The following ERBB4 variants were observed in gnomAD, a reference collection of about 807,000 sequenced individuals.
ERBB4 encodes erb-b2 receptor tyrosine kinase 4.
In ERBB4, 42 loss-of-function variants were observed where a neutral mutation model predicts 158.0. The ratio of observed to expected loss-of-function variants is 0.27; its 90% confidence interval spans 0.21 to 0.34. ERBB4 has a LOEUF of 0.34. Among genes scored for constraint, ERBB4 ranks in the 10% least tolerant of loss-of-function variants. The pLI is 1.00. For synonymous variants in ERBB4, 583 were observed against 558.7 expected (o/e 1.04, Z -0.61); for missense variants, 1,333 against 1,624.1 (o/e 0.82, Z 3.08).
At chr2:211,651,552 T>C (rs1467124763) in intron 16 of ERBB4, among the ~76,000 whole-genome samples, 2 of 152,168 alleles carry the variant, frequency 1.3e-5, no homozygotes, top group Non-Finnish European at 2.9e-5. Flanking sequence ...TTTCTTGACC[T>C]GAAGATAGAA....
At chr2:211,394,512 C>T (rs944708907) in intron 25 of ERBB4, among the ~76,000 whole-genome samples, 1 of 152,160 alleles carries the variant, frequency 6.6e-6, no homozygotes, top group African/African-American at 2.4e-5. Flanking sequence ...AAGAGGAAAA[C>T]TTCTAGGAGT....
At chr2:211,704,266 TATG>T in intron 10 of ERBB4, 72 bp from the exon 11 acceptor site, 1 of 985,182 alleles carries the variant, frequency 1.0e-6, no homozygotes, top group South Asian at 1.3e-5. Context: ...TTTCTTGAAA[TATG>T]GTGAAAATGT....
intron 1 of ERBB4, among the ~76,000 whole-genome samples, chr2:212,277,215 C>A (rs1445661064): frequency 6.6e-6 from 1 of 151,736 alleles, no homozygotes; most frequent in African/African-American, 2.4e-5. Context: ...TCTAGGGAAG[C>A]ATTTCCAGCA....
chr2:211,649,898 A>G (rs2070920951), intron 16 of ERBB4, among the ~76,000 whole-genome samples: 1 of 151,916 alleles, frequency 6.6e-6, no homozygotes, highest in Admixed American at 6.6e-5. Context: ...ACTGTAATGG[A>G]ATTTTGTTGA....
chr2:212,457,056 G>C (rs1688327439), intron 1 of ERBB4, among the ~76,000 whole-genome samples: 2 of 151,794 alleles, frequency 1.3e-5, no homozygotes, highest in South Asian at 4.1e-4. Flanking sequence ...CTTTCATTAT[G>C]CCAACTTGAA....
rs555639907 is a variant in ERBB4 at position 211,825,596 on chromosome 2, A to ACTATGTG, written c.422-37444_422-37438dup. 8.8e-4 allele frequency among the ~76,000 whole-genome samples: 134 copies of ACTATGTG among 151,616 alleles called. 1 individual carries two copies. The highest frequency in any genetic ancestry group is 3.2e-3 in the African/African-American group (131 of 41,462). On this transcript the variant is annotated intron_variant, in intron 3 of 27. Transcript: ENST00000342788. ...ATTCAGTCACTTTTATTAAATATCC[A>ACTATGTG]CTATGTGCTATGTGCTTTGAAGGAC...
At chr2:212,008,410 T>A (rs930412559) in intron 2 of ERBB4, among the ~76,000 whole-genome samples, 6 of 152,094 alleles carry the variant, frequency 3.9e-5, no homozygotes, top group African/African-American at 1.4e-4. Flanking sequence ...ATATTATCAT[T>A]ACGTTGGACA....
chr2:212,204,659 T>C (rs989587341), intron 1 of ERBB4, among the ~76,000 whole-genome samples: 1 of 150,334 alleles, frequency 6.7e-6, no homozygotes, highest in Non-Finnish European at 1.5e-5. Context: ...ATTGTGCCAT[T>C]GCACTCCAGC....
At chr2:212,314,984 C>T (rs1248233048) in intron 1 of ERBB4, among the ~76,000 whole-genome samples, 1 of 151,180 alleles carries the variant, frequency 6.6e-6, no homozygotes, top group Non-Finnish European at 1.5e-5. Flanking sequence ...TTTTAAAAGG[C>T]TAGTCACAGC....
intron 3 of ERBB4, among the ~76,000 whole-genome samples, chr2:211,876,693 A>G: frequency 6.6e-6 from 1 of 152,252 alleles, no homozygotes; most frequent in East Asian, 1.9e-4. Context: ...ACAGGTATTG[A>G]CTGGTAAGAG....
intron 2 of ERBB4, among the ~76,000 whole-genome samples, chr2:211,960,383 T>C (rs1214699197): frequency 4.6e-5 from 7 of 152,242 alleles, no homozygotes. Flanking sequence ...TACGAGTTCA[T>C]AATAATATTC....
chr2:212,347,298 G>A (rs1262365252), intron 1 of ERBB4, among the ~76,000 whole-genome samples: 1 of 151,648 alleles, frequency 6.6e-6, no homozygotes, highest in African/African-American at 2.4e-5. Flanking sequence ...TTTCAGAAGT[G>A]TCCATGTTTT....
At position 211,772,938 on chromosome 2, in the gene ERBB4, T is replaced by TACACACAC. The variant is rs1379581822; in HGVS notation, c.556+15086_556+15087insGTGTGTGT. The stretch of plus-strand genomic sequence containing the variant: ...ACACACACACACATATATATATATA[T>TACACACAC]ATATATATATATATATATTTTTTTT... On this transcript the variant is annotated intron_variant, in intron 4 of 27. Transcript: ENST00000342788. Among the ~76,000 whole-genome samples the TACACACAC allele has an allele frequency of 1.3e-3, 112 of 87,660 alleles. 1 individual carries two copies. The highest frequency in any genetic ancestry group is 0.011 in the South Asian group (25 of 2,252). The allele number at this position is 87,660 out of a possible 152,430, so 57.5% of individuals were successfully genotyped here.
At chr2:212,427,997 A>T (rs1255457255) in intron 1 of ERBB4, among the ~76,000 whole-genome samples, 1 of 152,182 alleles carries the variant, frequency 6.6e-6, no homozygotes, top group East Asian at 1.9e-4. Context: ...AGAACTGAGA[A>T]AGAATAATAA....
At chr2:211,585,202 A>C (rs2068233736) in intron 19 of ERBB4, among the ~76,000 whole-genome samples, 1 of 152,124 alleles carries the variant, frequency 6.6e-6, no homozygotes, top group Non-Finnish European at 1.5e-5. Flanking sequence ...AATACAAAAA[A>C]TTAGCTGGGC....
intron 3 of ERBB4, among the ~76,000 whole-genome samples, chr2:211,910,043 C>T (rs1200211294): frequency 6.6e-6 from 1 of 151,414 alleles, no homozygotes; most frequent in Non-Finnish European, 1.5e-5. Flanking sequence ...CCTCAGCCTC[C>T]CAAGTAGCTG....
intron 1 of ERBB4, among the ~76,000 whole-genome samples, chr2:212,380,678 A>G (rs937375695): frequency 2.6e-5 from 4 of 151,002 alleles, no homozygotes; most frequent in South Asian, 2.1e-4. Flanking sequence ...ATTTATGTAT[A>G]TATTTTCTCA....
At chr2:212,376,709 T>A (rs1345677957) in intron 1 of ERBB4, among the ~76,000 whole-genome samples, 1 of 152,060 alleles carries the variant, frequency 6.6e-6, no homozygotes, top group Non-Finnish European at 1.5e-5. Context: ...TGCATTGACA[T>A]TCTTAAATTC....
At chr2:211,864,179 T>C (rs1157066955) in intron 3 of ERBB4, among the ~76,000 whole-genome samples, 1 of 152,248 alleles carries the variant, frequency 6.6e-6, no homozygotes, top group Non-Finnish European at 1.5e-5. Context: ...GTGGGTGTTC[T>C]GGCACTGGCC....
Sources: gnomAD v4.1 joint callset for allele counts (sites outside exome capture counted in the v4.1 genomes callset) on GRCh38, gnomAD v4.1.1 for gene constraint, MANE v1.5 for transcripts, NCBI Gene and HGNC (gene_info 2026-07-23, HGNC 2026-07-21) for gene names.